The following GLT1D1 variants were observed in gnomAD, a reference collection of about 807,000 sequenced individuals.
GLT1D1 encodes glycosyltransferase 1 domain-containing protein 1.
In GLT1D1, 21 loss-of-function variants were observed where a neutral mutation model predicts 28.7. The ratio of observed to expected loss-of-function variants is 0.73; its 90% CI spans 0.52 to 1.05. GLT1D1 has a LOEUF of 1.05. GLT1D1 is among the 50% of genes least tolerant of loss of function. The probability of loss-of-function intolerance (pLI) is 0.00; values close to 1 mark genes in which losing one functional copy is unlikely to be tolerated. For missense variants in GLT1D1, 343 were observed against 330.6 expected (o/e 1.04, Z -0.29); for synonymous variants, 147 against 124.8 (o/e 1.18, Z -1.19).
At chr12:128,875,111 C>A (rs1386734562) in intron 1 of GLT1D1, among the ~76,000 whole-genome samples, 2 of 146,688 alleles carry the variant, frequency 1.4e-5, no homozygotes, top group Non-Finnish European at 3.0e-5. Context: ...AATGGAAAAA[C>A]CAGGAAGTAT....
chr12:128,909,390 A>G (rs1233745011), intron 4 of GLT1D1, among the ~76,000 whole-genome samples: 6 of 152,076 alleles, frequency 3.9e-5, no homozygotes, highest in African/African-American at 1.4e-4. Flanking sequence ...GAAAAAAGAC[A>G]CTGTGACCTT....
In GLT1D1 at chr12:128,855,489, C is replaced by T. The variant is rs560916091; in HGVS notation, c.68+1840C>T. ...GCTGAGGCAGGAGGATCAGTTGAGCCCAGGAGGTTGAGGCTGCAGCGAAGT... is the reference window on the plus strand; with the variant it reads ...GCTGAGGCAGGAGGATCAGTTGAGCTCAGGAGGTTGAGGCTGCAGCGAAGT... On this transcript the variant is annotated intron_variant, in intron 1 of 7. Transcript: ENST00000281703. Among the ~76,000 whole-genome samples, 18 of 152,034 alleles carry T rather than the reference C, an allele frequency of 1.2e-4. No homozygotes were observed. In the South Asian group the frequency reaches 3.7e-3, roughly 32 times the overall value.
rs149575084 is a variant in GLT1D1, at chr12:128,944,605, A to G, written c.376-721A>G. ...GCGTTGTTTAATGACCTCAAAGGAC[A>G]TATTCAGGTTAATCACTGTGTCGGT... On this transcript the variant is annotated intron_variant, in intron 4 of 7. Transcript: ENST00000281703. The G allele has an allele frequency of 7.3e-4, 542 of 742,302 alleles. 7 individuals are homozygous for G. The East Asian group carries it at 0.011, about 15-fold the overall frequency. The allele number at this position is 742,302 out of a possible 1,614,324, so 46.0% of individuals were successfully genotyped here. A position where few individuals can be genotyped will look rare whatever the true frequency, so the allele number is the denominator to read the frequency against.
At chr12:128,943,676 G>A (rs1479192069) in intron 4 of GLT1D1, among the ~76,000 whole-genome samples, 1 of 152,178 alleles carries the variant, frequency 6.6e-6, no homozygotes, top group East Asian at 1.9e-4. Context: ...TGAAAATTCT[G>A]AGTAAACTGA....
At chr12:128,855,567 TAAAAC>T (rs1198769802) in intron 1 of GLT1D1, among the ~76,000 whole-genome samples, 5 of 151,822 alleles carry the variant, frequency 3.3e-5, no homozygotes, top group Non-Finnish European at 7.4e-5. Flanking sequence ...CTCTAAAAAA[TAAAAC>T]AAAACTGTTA....
intron 7 of GLT1D1, among the ~76,000 whole-genome samples, chr12:128,979,498 C>T (rs962149506): frequency 2.0e-5 from 3 of 152,180 alleles, no homozygotes; most frequent in Non-Finnish European, 4.4e-5. Context: ...GACAGATGCC[C>T]CTGGATGTGT....
chr12:128,923,038 C>T (rs1395797472), intron 4 of GLT1D1, among the ~76,000 whole-genome samples: 1 of 151,832 alleles, frequency 6.6e-6, no homozygotes, highest in Non-Finnish European at 1.5e-5. Context: ...TGACAATTTT[C>T]CAAGGCTTTT....
At chr12:128,951,225 A>C (rs1374718504) in intron 6 of GLT1D1, among the ~76,000 whole-genome samples, 1 of 152,078 alleles carries the variant, frequency 6.6e-6, no homozygotes, top group African/African-American at 2.4e-5. Context: ...CAACATGATG[A>C]AACCCTGTCT....
intron 1 of GLT1D1, among the ~76,000 whole-genome samples, chr12:128,874,098 T>G (rs7296269): frequency 9.1e-5 from 3 of 33,050 alleles, no homozygotes; most frequent in African/African-American, 3.8e-4. Context: ...CTTTCTTTCT[T>G]TCTCTCTCTC....
chr12:128,961,852 A>G (rs1877985330), intron 7 of GLT1D1, among the ~76,000 whole-genome samples: 1 of 152,212 alleles, frequency 6.6e-6, no homozygotes, highest in African/African-American at 2.4e-5. Flanking sequence ...GACACATAAA[A>G]TTAACCATCG....
At chr12:128,943,140 T>G (rs1017259296) in intron 4 of GLT1D1, among the ~76,000 whole-genome samples, 8 of 152,246 alleles carry the variant, frequency 5.3e-5, no homozygotes, top group African/African-American at 1.9e-4. Flanking sequence ...GGTATCGATT[T>G]CTTGGATCAG....
chr12:128,968,403 G>A (rs1878697108), intron 7 of GLT1D1, among the ~76,000 whole-genome samples: 1 of 151,588 alleles, frequency 6.6e-6, no homozygotes, highest in Admixed American at 6.6e-5. Context: ...GGGCACAGTG[G>A]CTCACGCCTG....
chr12:128,981,349 G>T (rs970954407), intron 7 of GLT1D1, among the ~76,000 whole-genome samples: 1 of 152,066 alleles, frequency 6.6e-6, no homozygotes, highest in African/African-American at 2.4e-5. Context: ...GGAAGGAGGG[G>T]GTTGGGTTTC....
chr12:128,872,236 G>A lies in GLT1D1; in HGVS notation c.69-3678G>A, dbSNP rs182712064. Among the ~76,000 whole-genome samples, 862 of 152,258 alleles carry A rather than the reference G, an allele frequency of 5.7e-3. 6 individuals carry two copies. Among genetic ancestry groups the A allele is most frequent in the African/African-American group, 0.02 (814 of 41,556 alleles). ...TGGGATTACAGGCGTGAGCCACCGC[G>A]CCTGGCCGATTCAAGGGTACTTTTA... On this transcript the variant is annotated intron_variant, in intron 1 of 7. Coordinates refer to ENST00000281703, the MANE Select transcript of GLT1D1 (RefSeq NM_144669.3).
At chr12:128,908,767 G>A (rs1400312001) in intron 4 of GLT1D1, among the ~76,000 whole-genome samples, 1 of 151,976 alleles carries the variant, frequency 6.6e-6, no homozygotes, top group African/African-American at 2.4e-5. Flanking sequence ...GGCTAACACG[G>A]TGAAACCCCG....
intron 7 of GLT1D1, among the ~76,000 whole-genome samples, chr12:128,962,094 C>T (rs577165035): frequency 3.0e-3 from 455 of 151,640 alleles, no homozygotes; most frequent in Non-Finnish European, 4.5e-3. Context: ...CTCCACCTCC[C>T]GCCACTTGTG....
chr12:128,890,679 G>T (rs1868941280), intron 3 of GLT1D1, among the ~76,000 whole-genome samples: 1 of 151,064 alleles, frequency 6.6e-6, no homozygotes, highest in Non-Finnish European at 1.5e-5. Context: ...CGGCTACTTG[G>T]GAGGCTGAGG....
chr12:128,856,340 G>A (rs540541749), intron 1 of GLT1D1, among the ~76,000 whole-genome samples: 1 of 152,252 alleles, frequency 6.6e-6, no homozygotes, highest in South Asian at 2.1e-4. Flanking sequence ...CTGTGACTTA[G>A]AATGCCTTAA....
chr12:128,945,925 T>C (rs1022429596), intron 5 of GLT1D1, among the ~76,000 whole-genome samples: 1 of 152,138 alleles, frequency 6.6e-6, no homozygotes, highest in African/African-American at 2.4e-5. Context: ...GCATTTTAAG[T>C]GGGGTGATGG....
Sources: gnomAD v4.1 joint callset for allele counts (sites outside exome capture counted in the v4.1 genomes callset) on GRCh38, gnomAD v4.1.1 for gene constraint, MANE v1.5 for transcripts, NCBI Gene and HGNC (gene_info 2026-07-23, HGNC 2026-07-21) for gene names.